Variants in NUP153 observed in about 807,000 individuals in gnomAD.
NUP153 encodes the protein nuclear pore complex protein Nup153.
A neutral mutation model predicts 134.6 loss-of-function variants in NUP153; 27 were observed. The ratio of observed to expected loss-of-function variants is 0.20; its 90% CI spans 0.15 to 0.28. NUP153 has a LOEUF of 0.28. Among genes scored for constraint, NUP153 ranks in the 10% least tolerant of loss-of-function variants. NUP153 has a pLI of 1.00. For synonymous variants in NUP153, 640 were observed against 623.5 expected (o/e 1.03, Z -0.40); for missense variants, 1,821 against 1,731.3 (o/e 1.05, Z -0.92).
chr6:17,618,562 CTT>C (rs34236407), intron 20 of NUP153, among the ~76,000 whole-genome samples: 69,371 of 132,910 alleles, frequency 0.52, 17,312 homozygotes, highest in Middle Eastern at 0.76. Flanking sequence ...TAAAATCTCT[CTT>C]TTTTTTTTTT....
At position 17,675,086 on chromosome 6, in the gene NUP153, G is replaced by C; in HGVS notation, c.724-53C>G. ...AAGCCATATGAACCCAGGAGGTGGA[G>C]GTTGCAGTGAGTTAAGATCATGCTG... On this transcript the variant is annotated intron_variant, in intron 4 of 21. Transcript: ENST00000262077. This position sits in a 1 kb window ranked among gnomAD's most constrained non-coding sequence, Gnocchi z 4.4. 2 of 1,600,802 alleles carry C rather than the reference G, an allele frequency of 1.2e-6. No homozygotes were observed. The highest frequency in any genetic ancestry group is 1.1e-5 in the South Asian group (1 of 89,842).
chr6:17,616,843 G>A (rs1034832719), intron 20 of NUP153, 148 bp from the exon 21 acceptor site: 11 of 676,090 alleles, frequency 1.6e-5, no homozygotes, highest in East Asian at 2.8e-5. Context: ...CTTGCCTCCT[G>A]GGTTCAAGTG....
At chr6:17,673,045 G>GCA (rs145075461) in intron 5 of NUP153, among the ~76,000 whole-genome samples, 13 of 151,376 alleles carry the variant, frequency 8.6e-5, no homozygotes, top group South Asian at 2.1e-4. Flanking sequence ...ACACACACAC[G>GCA]CACACACACA....
chr6:17,693,973 C>A (rs901340674), intron 1 of NUP153, among the ~76,000 whole-genome samples: 2 of 152,150 alleles, frequency 1.3e-5, no homozygotes, highest in Non-Finnish European at 2.9e-5. Flanking sequence ...TAATAGGACA[C>A]CCATCTCATT....
chr6:17,702,674 C>T (rs1770195775), intron 1 of NUP153, among the ~76,000 whole-genome samples: 1 of 151,410 alleles, frequency 6.6e-6, no homozygotes, highest in Admixed American at 6.6e-5. Context: ...AAAACTCCGT[C>T]TCAAAAAAAG....
intron 2 of NUP153, among the ~76,000 whole-genome samples, chr6:17,687,800 A>C (rs1278755347): frequency 1.3e-5 from 2 of 152,202 alleles, no homozygotes; most frequent in African/African-American, 2.4e-5. Context: ...GGCTTCATCG[A>C]AATTTAAAAC....
intron 11 of NUP153, among the ~76,000 whole-genome samples, chr6:17,650,286 G>A (rs978667234): frequency 2.0e-5 from 3 of 152,148 alleles, no homozygotes; most frequent in African/African-American, 7.2e-5. Context: ...AATACCTGAA[G>A]TTCTGAGAGA....
intron 1 of NUP153, among the ~76,000 whole-genome samples, chr6:17,690,334 T>G (rs1017362301): frequency 8.1e-6 from 1 of 123,022 alleles, no homozygotes; most frequent in African/African-American, 2.6e-5. Flanking sequence ...TGAGAAAGCT[T>G]GCAGTGAGCC....
chr6:17,702,669 T>C (rs1208411930), intron 1 of NUP153, among the ~76,000 whole-genome samples: 7 of 150,778 alleles, frequency 4.6e-5, no homozygotes, highest in Non-Finnish European at 1.0e-4. Flanking sequence ...GATGCAAAAC[T>C]CCGTCTCAAA....
At chr6:17,696,909 C>T (rs1039106531) in intron 1 of NUP153, among the ~76,000 whole-genome samples, 1 of 151,638 alleles carries the variant, frequency 6.6e-6, no homozygotes, top group African/African-American at 2.4e-5. Flanking sequence ...ACCATTTCTA[C>T]TAAAACTACA....
At chr6:17,669,748 A>G (rs951058236) in intron 5 of NUP153, among the ~76,000 whole-genome samples, 17 of 152,152 alleles carry the variant, frequency 1.1e-4, no homozygotes, top group African/African-American at 4.1e-4. Context: ...TCTCTGATTG[A>G]GAAATTACCT....
chr6:17,632,435 T>G (rs538927725), intron 17 of NUP153, among the ~76,000 whole-genome samples: 1 of 151,072 alleles, frequency 6.6e-6, no homozygotes, highest in East Asian at 1.9e-4. Flanking sequence ...TTTTCCCACC[T>G]GGAGAAAAGA....
chr6:17,631,694 T>A lies in NUP153; in HGVS notation c.2659+956A>T, dbSNP rs902422295. The stretch of plus-strand genomic sequence containing the variant: ...AAAAATCTGGCCTCCAGACCAGGCG[T>A]GTTGGCTCACGCCTGTAATCCCAGC... On this transcript the variant is annotated intron_variant, in intron 17 of 21. Coordinates refer to ENST00000262077, the MANE Select transcript of NUP153 (RefSeq NM_005124.4). Among the ~76,000 whole-genome samples the A allele has an allele frequency of 3.3e-5, 5 of 151,862 alleles. No individual in the cohort carries two copies. In the East Asian group the frequency reaches 7.8e-4, roughly 24 times the overall value.
chr6:17,699,497 A>AG (rs67410781), intron 1 of NUP153, among the ~76,000 whole-genome samples: 5 of 148,880 alleles, frequency 3.4e-5, no homozygotes. Context: ...AAAAAAAAAA[A>AG]GAAAATACAA....
chr6:17,700,504 A>C (rs1769984837), intron 1 of NUP153, among the ~76,000 whole-genome samples: 1 of 152,236 alleles, frequency 6.6e-6, no homozygotes, highest in Admixed American at 6.5e-5. Flanking sequence ...TATATTAAGC[A>C]TCTAGGATAA....
At position 17,624,654 on chromosome 6, in the gene NUP153, T is replaced by G; in HGVS notation, c.4081A>C (p.Thr1361Pro). 1 of 1,614,038 alleles carries G rather than the reference T, an allele frequency of 6.2e-7. No individual in the cohort carries two copies. Among genetic ancestry groups the G allele is most frequent in the South Asian group, 1.1e-5 (1 of 91,082 alleles). The change falls in exon 20 of 22, where the codon ACT becomes CCT. Residue 1361 changes from threonine (T) to proline (P), a missense_variant. By Grantham distance (38) the Thr-to-Pro change is conservative (BLOSUM62 -1). Coordinates refer to ENST00000262077, the MANE Select transcript of NUP153 (RefSeq NM_005124.4). Reference sequence around the variant, plus strand: ...CTACTGCTTGACACTGTCCCAAAAGTAGGTGGTGCAGGCTGAGAACCAGTG... The same window carrying G: ...CTACTGCTTGACACTGTCCCAAAAGGAGGTGGTGCAGGCTGAGAACCAGTG... ...FPTGSQPAPP[T>P]FGTVSSSSQP...
chr6:17,686,903 G>A (rs529598226), intron 2 of NUP153, among the ~76,000 whole-genome samples: 121 of 143,446 alleles, frequency 8.4e-4, no homozygotes, highest in Middle Eastern at 7.3e-3. Flanking sequence ...GCGGGGGAGG[G>A]GGGCGGGGAG....
In NUP153 at chr6:17,706,009, C is replaced by T. The variant is rs1055457992; in HGVS notation, c.111+268G>A. On this transcript the variant is annotated intron_variant, in intron 1 of 21. Coordinates refer to ENST00000262077, the MANE Select transcript of NUP153 (RefSeq NM_005124.4). The surrounding 1 kb of genome is among the most constrained non-coding windows in gnomAD (Gnocchi z 5.9). Reference sequence around the variant, plus strand: ...GCATCATGGGCCTACAATTTCTTTTCCCGCCCAGAGCCTGCCTGGGAAAGC... The same window carrying T: ...GCATCATGGGCCTACAATTTCTTTTTCCGCCCAGAGCCTGCCTGGGAAAGC... 1.3e-5 allele frequency among the ~76,000 whole-genome samples: 2 copies of T among 152,198 alleles called. No individual in the cohort carries two copies. The highest frequency in any genetic ancestry group is 4.8e-5 in the African/African-American group (2 of 41,452).
At chr6:17,639,282 T>G (rs1224396782) in intron 15 of NUP153, among the ~76,000 whole-genome samples, 2 of 152,248 alleles carry the variant, frequency 1.3e-5, no homozygotes, top group Admixed American at 6.5e-5. Context: ...TTTCGCCATG[T>G]TGGCCAGGCT....
Sources: gnomAD v4.1 joint callset for allele counts (sites outside exome capture counted in the v4.1 genomes callset) on GRCh38, gnomAD v4.1.1 for gene constraint, Gnocchi (gnomAD v3.1) non-coding constraint, MANE v1.5 for transcripts, NCBI Gene and HGNC (gene_info 2026-07-23, HGNC 2026-07-21) for gene names.